HYAL3: variants seen among roughly 807,000 people sequenced by gnomAD.
The protein encoded by HYAL3 is hyaluronidase 3.
Under a neutral mutation model 29.6 loss-of-function variants are expected in HYAL3, and 25 were observed. The observed-to-expected ratio is 0.85, with a 90% CI of 0.62 to 1.18. The LOEUF is 1.18. Ranked by LOEUF, HYAL3 falls within the 50% of genes most tolerant of loss-of-function variation. The probability of loss-of-function intolerance (pLI) is 0.00; values close to 1 mark genes in which losing one functional copy is unlikely to be tolerated. For missense variants in HYAL3, 442 were observed against 548.4 expected, an observed-to-expected ratio of 0.81 and a Z score of 1.94; for synonymous variants, 215 against 218.3, an observed-to-expected ratio of 0.99 and a Z score of 0.13.
At position 50,299,252 on chromosome 3, in the gene HYAL3, C is replaced by T. The variant is rs782772287; in HGVS notation, c.-57G>A. 6.2e-7 allele frequency: 1 copy of T among 1,614,050 alleles called. No homozygotes were observed. The highest frequency in any genetic ancestry group is 8.5e-7 in the Non-Finnish European group (1 of 1,180,010). On this transcript the variant is annotated 5_prime_UTR_variant, in exon 1 of 4. Coordinates refer to ENST00000336307, the MANE Select transcript of HYAL3 (RefSeq NM_003549.4). Reference sequence around the variant, plus strand: ...CTCTGGGATGTTCCGCGTCCTAGCTCCGCACAGCTGGGTATCTCACTCAGT... The same window carrying T: ...CTCTGGGATGTTCCGCGTCCTAGCTTCGCACAGCTGGGTATCTCACTCAGT...
At position 50,297,135 on chromosome 3, in the gene HYAL3, G is replaced by C; in HGVS notation, c.-17-1516C>G. 1 of 1,580,820 alleles carries C rather than the reference G, an allele frequency of 6.3e-7. No individual in the cohort carries two copies. The highest frequency in any genetic ancestry group is 8.6e-7 in the Non-Finnish European group (1 of 1,161,502). On this transcript the variant is annotated intron_variant, in intron 1 of 3. Coordinates refer to ENST00000336307, the MANE Select transcript of HYAL3 (RefSeq NM_003549.4). The surrounding 1 kb of genome is among the most constrained non-coding windows in gnomAD (Gnocchi z 4.3). The stretch of plus-strand genomic sequence containing the variant: ...GGGTGCTGCTTCAAGTGTGGGGTGG[G>C]GGCTTAGCAGCATCAGGCAGAGGGG...
At position 50,297,409 on chromosome 3, in the gene HYAL3, G is replaced by T; in HGVS notation, c.-17-1790C>A. On this transcript the variant is annotated intron_variant, in intron 1 of 3. Transcript: ENST00000336307. This position sits in a 1 kb window ranked among gnomAD's most constrained non-coding sequence, Gnocchi z 4.3. Reference sequence around the variant, plus strand: ...GTGGAATCCAGGGGCAGCTTTGGCTGGCACGCAGGATCCAGAGTCAGCTCA... The same window carrying T: ...GTGGAATCCAGGGGCAGCTTTGGCTTGCACGCAGGATCCAGAGTCAGCTCA... 1 of 1,613,406 alleles carries T rather than the reference G, an allele frequency of 6.2e-7. No homozygotes were observed.
In HYAL3 at chr3:50,294,801, A is replaced by G. The variant is rs1701775735; in HGVS notation, c.802T>C (p.Phe268Leu). Residue 268 changes from phenylalanine (F) to leucine (L), a missense_variant, in exon 2 of 4, where the codon TTC (phenylalanine) becomes CTC (leucine). By Grantham distance (22) the Phe-to-Leu change is conservative (BLOSUM62 0). Coordinates refer to ENST00000336307, the MANE Select transcript of HYAL3 (RefSeq NM_003549.4). ...CGGTGCCCAACAAGGGCCACACGGA[A>G]GGCCTCCTCCAGGCGATGTCGGACA... is the stretch of plus-strand genomic sequence containing the variant. ...AFVRHRLEEAFRVALVGHRHP... is the reference protein window; with the variant it reads ...AFVRHRLEEALRVALVGHRHP... 4 of 1,520,946 alleles carry G rather than the reference A, an allele frequency of 2.6e-6. No homozygotes were observed. Among genetic ancestry groups the G allele is most frequent in the Non-Finnish European group, 3.5e-6 (4 of 1,132,042 alleles). 94.2% of individuals were successfully genotyped at this position (1,520,946 alleles called of 1,614,324 possible).
chr3:50,296,737 G>A lies in HYAL3; in HGVS notation c.-17-1118C>T, dbSNP rs782030593. 3.1e-6 allele frequency: 5 copies of A among 1,611,180 alleles called. No individual in the cohort carries two copies. The South Asian group carries it at 4.4e-5, about 14-fold the overall frequency. On this transcript the variant is annotated intron_variant, in intron 1 of 3. Coordinates refer to ENST00000336307, the MANE Select transcript of HYAL3 (RefSeq NM_003549.4). Reference sequence around the variant, plus strand: ...AGGCACTCAGGTAGGGGAGGGGGTGGTGGCAATGGAGGTCCCTTGGGACCC... The same window carrying A: ...AGGCACTCAGGTAGGGGAGGGGGTGATGGCAATGGAGGTCCCTTGGGACCC...
chr3:50,293,849 G>C (rs1553710523), intron 2 of HYAL3, 128 bp from the exon 3 acceptor site: 3 of 851,252 alleles, frequency 3.5e-6, no homozygotes, highest in Non-Finnish European at 1.9e-6. Context: ...GGACTCTCTA[G>C]TTTGGTTTGG....
Position 50,295,537 on chromosome 3 carries a change from G to A in HYAL3, c.66C>T (p.Pro22=), listed in dbSNP as rs781923109. Reference sequence around the variant, plus strand: ...AGGGGCGTTCAGGGACCTGTGGTAGGGGCTGGCCACAACCCAGGCACAGGG... The same window carrying A: ...AGGGGCGTTCAGGGACCTGTGGTAGAGGCTGGCCACAACCCAGGCACAGGG... The part of the protein sequence containing the change: ...GVALCLGCGQ[P]LPQVPERPFS... Residue 22 remains proline, a synonymous_variant, in exon 2 of 4, where the codon CCC becomes CCT. Coordinates refer to ENST00000336307, the MANE Select transcript of HYAL3 (RefSeq NM_003549.4). 64 of 1,592,512 alleles carry A rather than the reference G, an allele frequency of 4.0e-5. No individual in the cohort carries two copies. Among genetic ancestry groups the A allele is most frequent in the Non-Finnish European group, 4.9e-5 (57 of 1,167,156 alleles).
chr3:50,295,694 G>A, intron 1 of HYAL3, 75 bp from the exon 2 acceptor site: 5 of 1,298,692 alleles, frequency 3.9e-6, no homozygotes, highest in Non-Finnish European at 4.1e-6. Flanking sequence ...GGAAAGCCAG[G>A]AAAGCTCCCC....
Position 50,297,365 on chromosome 3 carries a change from G to A in HYAL3, c.-17-1746C>T. ...TAAGCTCAGTTGGACCAGGATTGAA[G>A]GTCATCTCTGGTTGGCATGTGGAAT... On this transcript the variant is annotated intron_variant, in intron 1 of 3. Transcript: ENST00000336307. This position sits in a 1 kb window ranked among gnomAD's most constrained non-coding sequence, Gnocchi z 4.3. 2 of 1,613,138 alleles carry A rather than the reference G, an allele frequency of 1.2e-6. No individual in the cohort carries two copies. The highest frequency in any genetic ancestry group is 1.7e-6 in the Non-Finnish European group (2 of 1,179,524).
intron 2 of HYAL3, 148 bp from the exon 3 acceptor site, chr3:50,293,869 C>T (rs1171241379): frequency 1.3e-5 from 9 of 712,986 alleles, no homozygotes; most frequent in Admixed American, 6.9e-5. Flanking sequence ...GTTTTAGAGG[C>T]GGGGTTTTAC....
chr3:50,298,967 T>C, intron 1 of HYAL3: 1 of 1,441,476 alleles, frequency 6.9e-7, no homozygotes, highest in East Asian at 2.6e-5. Context: ...GGCTCCGGGG[T>C]CCTCAGAGAG....
intron 1 of HYAL3, chr3:50,295,919 C>A: frequency 2.7e-6 from 1 of 366,000 alleles, no homozygotes; most frequent in Non-Finnish European, 5.0e-6. Flanking sequence ...CCACAACTGT[C>A]ACAAGTCCCC....
At chr3:50,294,126 C>T (rs1384121878) in intron 2 of HYAL3, among the ~76,000 whole-genome samples, 4 of 152,032 alleles carry the variant, frequency 2.6e-5, no homozygotes. Flanking sequence ...ATGACAAAAC[C>T]CCATCTCTAC....
Position 50,297,684 on chromosome 3 carries a change from A to C in HYAL3, c.-18+1529T>G. Reference sequence around the variant, plus strand: ...CAGTGGCTCTCCTCCTGTAGATAACAGCCATGCTGGGCTGTGCCAGGAGGG... The same window carrying C: ...CAGTGGCTCTCCTCCTGTAGATAACCGCCATGCTGGGCTGTGCCAGGAGGG... On this transcript the variant is annotated intron_variant, in intron 1 of 3. Transcript: ENST00000336307. The surrounding 1 kb of genome is among the most constrained non-coding windows in gnomAD (Gnocchi z 4.3). The C allele has an allele frequency of 7.2e-7, 1 of 1,384,024 alleles. No homozygotes were observed. The highest frequency in any genetic ancestry group is 2.8e-5 in the East Asian group (1 of 36,086). 85.7% of individuals were successfully genotyped at this position (1,384,024 alleles called of 1,614,324 possible).
At chr3:50,298,186 C>T (rs1356107045) in intron 1 of HYAL3, 6 of 760,498 alleles carry the variant, frequency 7.9e-6, no homozygotes, top group Non-Finnish European at 9.6e-6. Flanking sequence ...CTTCCTGTCC[C>T]TTTCTTCTCC....
rs907986921 is a variant in HYAL3, at chr3:50,293,070, T to C, written c.*176A>G. ...GACTCACATGATCTCAGAGGGCCTC[T>C]GGTTTTATAAGCGTTTTTTCTGGCC... On this transcript the variant is annotated 3_prime_UTR_variant, in exon 4 of 4. Coordinates refer to ENST00000336307, the MANE Select transcript of HYAL3 (RefSeq NM_003549.4). The C allele has an allele frequency of 1.1e-5, 16 of 1,423,130 alleles. No homozygotes were observed. The highest frequency in any genetic ancestry group is 2.8e-5 in the African/African-American group (2 of 71,230). 88.2% of individuals were successfully genotyped at this position (1,423,130 alleles called of 1,614,324 possible).
intron 1 of HYAL3, chr3:50,298,859 C>T: frequency 1.1e-5 from 14 of 1,275,472 alleles, no homozygotes; most frequent in South Asian, 1.7e-5. Flanking sequence ...ACCCTTTGGT[C>T]TAGAGGGAGG....
chr3:50,299,168 C>T (rs1553711877), intron 1 of HYAL3, 45 bp downstream of exon 1: 1 of 1,613,990 alleles, frequency 6.2e-7, no homozygotes, highest in Non-Finnish European at 8.5e-7. Context: ...ACCGCACGCG[C>T]GGGGTGGACC....
intron 1 of HYAL3, 57 bp downstream of exon 1, chr3:50,299,156 G>T: frequency 6.2e-7 from 1 of 1,613,904 alleles, no homozygotes; most frequent in Non-Finnish European, 8.5e-7. Context: ...GGCCACTTGG[G>T]GACCGCACGC....
At position 50,292,930 on chromosome 3, in the gene HYAL3, C is replaced by T. The variant is rs782134371; in HGVS notation, c.*316G>A. ...TTTTTGGGGCCCATCTGCCCGTGCA[C>T]GGCCCATCTGTGACCTCTCCATGGG... On this transcript the variant is annotated 3_prime_UTR_variant, in exon 4 of 4. Transcript: ENST00000336307. 6 of 1,518,676 alleles carry T rather than the reference C, an allele frequency of 4.0e-6. No individual in the cohort carries two copies. The highest frequency in any genetic ancestry group is 5.4e-5 in the East Asian group (2 of 37,314). 94.1% of individuals were successfully genotyped at this position (1,518,676 alleles called of 1,614,324 possible). A position where few individuals can be genotyped will look rare whatever the true frequency, so the allele number is the denominator to read the frequency against.
Sources: allele counts gnomAD v4.1 joint callset (sites outside exome capture counted in the v4.1 genomes callset), GRCh38; gene constraint gnomAD v4.1.1; non-coding constraint Gnocchi (gnomAD v3.1); transcripts MANE v1.5; gene names NCBI Gene and HGNC (gene_info 2026-07-23, HGNC 2026-07-21).